Variants in VSTM4 observed in about 807,000 individuals in gnomAD.
The protein encoded by VSTM4 is V-set and transmembrane domain-containing protein 4.
A neutral mutation model predicts 36.4 loss-of-function variants in VSTM4; 20 were observed. The ratio of observed to expected loss-of-function variants is 0.55; its 90% CI spans 0.39 to 0.80. The LOEUF (loss-of-function observed/expected upper bound fraction) is 0.80. Among genes scored for constraint, VSTM4 ranks in the 30% least tolerant of loss-of-function variants. The pLI is 0.00. For synonymous variants in VSTM4, 182 were observed against 173.9 expected (o/e 1.05, Z -0.37); for missense variants, 392 against 404.5 (o/e 0.97, Z 0.26).
intron 3 of VSTM4, among the ~76,000 whole-genome samples, chr10:49,082,691 A>T (rs1341994082): frequency 6.6e-6 from 1 of 150,404 alleles, no homozygotes; most frequent in East Asian, 1.9e-4. Context: ...AAAGGAAAAG[A>T]AAAAAAAACA....
intron 2 of VSTM4, among the ~76,000 whole-genome samples, chr10:49,096,247 C>A (rs374658089): frequency 6.6e-6 from 1 of 152,176 alleles, no homozygotes; most frequent in South Asian, 2.1e-4. Flanking sequence ...CAGATCTAAT[C>A]ATTAAATTTC....
chr10:49,090,009 A>G (rs1844443442), intron 2 of VSTM4, among the ~76,000 whole-genome samples: 1 of 152,210 alleles, frequency 6.6e-6, no homozygotes, highest in Non-Finnish European at 1.5e-5. Context: ...TCAACCTTCA[A>G]GTGTGGAGTG....
chr10:49,056,538 A>G (rs1199094228), intron 5 of VSTM4, among the ~76,000 whole-genome samples: 1 of 152,208 alleles, frequency 6.6e-6, no homozygotes, highest in Non-Finnish European at 1.5e-5. Context: ...CTCATTCACA[A>G]AGGCCATGGA....
At chr10:49,094,776 G>A (rs1478174832) in intron 2 of VSTM4, among the ~76,000 whole-genome samples, 2 of 125,402 alleles carry the variant, frequency 1.6e-5, no homozygotes, top group Non-Finnish European at 3.4e-5. Context: ...AACATTCTCA[G>A]TGGCAGGGGG....
chr10:49,022,070 A>T (rs1485674161), intron 7 of VSTM4, among the ~76,000 whole-genome samples: 1 of 152,180 alleles, frequency 6.6e-6, no homozygotes, highest in South Asian at 2.1e-4. Context: ...TTCACTGTGT[A>T]CATTTGTTGT....
Position 49,088,768 on chromosome 10 carries a change from A to T in VSTM4, c.458-2745T>A, listed in dbSNP as rs576408839. Among the ~76,000 whole-genome samples the T allele has an allele frequency of 3.3e-5, 5 of 152,378 alleles. 1 individual carries two copies. The East Asian group carries it at 9.6e-4, about 29-fold the overall frequency. ...TGGCTGGATTTCCATGGCTTCAGCT[A>T]ATCAAGCCTAGATAAGGATAAGAAG... is the stretch of plus-strand genomic sequence containing the variant. On this transcript the variant is annotated intron_variant, in intron 2 of 7. Coordinates refer to ENST00000332853, the MANE Select transcript of VSTM4 (RefSeq NM_001031746.5).
intron 7 of VSTM4, among the ~76,000 whole-genome samples, chr10:49,035,648 C>T (rs1843416496): frequency 9.4e-6 from 1 of 106,610 alleles, no homozygotes; most frequent in Admixed American, 1.5e-4. Context: ...AGCCTGGGCA[C>T]ATAGCGAGAT....
At chr10:49,086,050 G>C (rs373630221) in intron 2 of VSTM4, 27 bp from the exon 3 acceptor site, 1 of 1,507,010 alleles carries the variant, frequency 6.6e-7, no homozygotes, top group Non-Finnish European at 9.0e-7. Context: ...AAACAGCACA[G>C]TATGAAAAAA....
At chr10:49,111,920 T>G (rs61848419) in intron 1 of VSTM4, among the ~76,000 whole-genome samples, 7,817 of 149,182 alleles carry the variant, frequency 0.052, 216 homozygotes, top group Middle Eastern at 0.11. Flanking sequence ...TCTGGGGATG[T>G]GAGCTTGAGC....
intron 5 of VSTM4, among the ~76,000 whole-genome samples, chr10:49,051,976 AG>A (rs1843705870): frequency 6.6e-6 from 1 of 152,124 alleles, no homozygotes; most frequent in Non-Finnish European, 1.5e-5. Flanking sequence ...ATACTATTCC[AG>A]TGAGGAAATA....
chr10:49,070,270 A>G (rs1844052691), intron 4 of VSTM4, among the ~76,000 whole-genome samples: 1 of 61,464 alleles, frequency 1.6e-5, no homozygotes, highest in Admixed American at 1.8e-4. Context: ...AAAAAAAAAA[A>G]AAAAAAAAAG....
At chr10:49,080,800 C>T (rs944719035) in intron 3 of VSTM4, among the ~76,000 whole-genome samples, 1 of 152,214 alleles carries the variant, frequency 6.6e-6, no homozygotes, top group Non-Finnish European at 1.5e-5. Flanking sequence ...GAGGAAAGCC[C>T]TGTCAGTAGG....
At chr10:49,088,718 TG>T (rs1564589880) in intron 2 of VSTM4, among the ~76,000 whole-genome samples, 1 of 152,290 alleles carries the variant, frequency 6.6e-6, no homozygotes, top group Non-Finnish European at 1.5e-5. Flanking sequence ...CCTTAGACTG[TG>T]CCCACTTCTC....
Position 49,017,515 on chromosome 10 carries a change from C to T in VSTM4, c.*2135G>A, listed in dbSNP as rs1054711433. 6.6e-6 allele frequency: 1 copy of T among 152,270 alleles called. No individual in the cohort carries two copies. Among genetic ancestry groups the T allele is most frequent in the African/African-American group, 2.4e-5 (1 of 41,462 alleles). 9.4% of individuals were successfully genotyped at this position (152,270 alleles called of 1,614,324 possible). On this transcript the variant is annotated 3_prime_UTR_variant, in exon 8 of 8. Coordinates refer to ENST00000332853, the MANE Select transcript of VSTM4 (RefSeq NM_001031746.5). Reference sequence around the variant, plus strand: ...CTGGTTTGACTCTAACTGGGAGCTACTAGCTCTTAAGAGCATGTGTTCTTG... The same window carrying T: ...CTGGTTTGACTCTAACTGGGAGCTATTAGCTCTTAAGAGCATGTGTTCTTG...
intron 7 of VSTM4, among the ~76,000 whole-genome samples, chr10:49,026,502 A>G (rs1195368559): frequency 6.6e-6 from 1 of 152,270 alleles, no homozygotes; most frequent in African/African-American, 2.4e-5. Flanking sequence ...GTTTCAAGAT[A>G]AAGTGAAATA....
intron 7 of VSTM4, among the ~76,000 whole-genome samples, chr10:49,038,178 G>A (rs1590076571): frequency 6.6e-6 from 1 of 152,206 alleles, no homozygotes; most frequent in Non-Finnish European, 1.5e-5. Context: ...GTCAGCATTA[G>A]TCACAACAGC....
At chr10:49,046,852 G>T (rs1843618194) in intron 7 of VSTM4, 131 bp downstream of exon 7, 1 of 876,266 alleles carries the variant, frequency 1.1e-6, no homozygotes, top group South Asian at 1.5e-5. Context: ...TGAGAATAGA[G>T]AATGTTTTTG....
intron 2 of VSTM4, among the ~76,000 whole-genome samples, chr10:49,105,419 A>C (rs932627303): frequency 4.0e-5 from 6 of 151,812 alleles, no homozygotes; most frequent in Admixed American, 2.6e-4. Flanking sequence ...AGAGAGAGAA[A>C]GAGTGACAGA....
At chr10:49,106,797 C>T (rs1188049240) in intron 2 of VSTM4, among the ~76,000 whole-genome samples, 1 of 152,232 alleles carries the variant, frequency 6.6e-6, no homozygotes, top group Non-Finnish European at 1.5e-5. Context: ...CTCCTCAGAG[C>T]CCCTTCTCGA....
Sources: gnomAD v4.1 joint callset for allele counts (sites outside exome capture counted in the v4.1 genomes callset) on GRCh38, gnomAD v4.1.1 for gene constraint, MANE v1.5 for transcripts, NCBI Gene and HGNC (gene_info 2026-07-23, HGNC 2026-07-21) for gene names.